Variants in PVT1 observed in about 807,000 individuals in gnomAD.
PVT1 encodes CXCR4/PVT1 fusion.
At chr8:127,831,223 C>T (rs972354957) in intron 2 of PVT1, among the ~76,000 whole-genome samples, 1 of 150,978 alleles carries the variant, frequency 6.6e-6, no homozygotes, top group Non-Finnish European at 1.5e-5. Flanking sequence ...GAGGCTGAGG[C>T]AGGAGGGCCG....
intron 2 of PVT1, among the ~76,000 whole-genome samples, chr8:127,826,494 A>G (rs1189665308): frequency 6.6e-6 from 1 of 152,158 alleles, no homozygotes; most frequent in African/African-American, 2.4e-5. Flanking sequence ...CAGAGTCAGA[A>G]GGGACCCATC....
intron 3 of PVT1, among the ~76,000 whole-genome samples, chr8:127,963,749 G>C (rs1371622856): frequency 6.6e-6 from 1 of 152,182 alleles, no homozygotes; most frequent in Non-Finnish European, 1.5e-5. Context: ...GGAGGAAGCT[G>C]ATCTAGCTGG....
intron 3 of PVT1, among the ~76,000 whole-genome samples, chr8:127,924,104 G>C (rs865927401): frequency 6.6e-6 from 1 of 152,136 alleles, no homozygotes; most frequent in South Asian, 2.1e-4. Context: ...CCTTTCCAGG[G>C]GGATGTGTTT....
chr8:127,959,286 A>G (rs560585923), intron 3 of PVT1, among the ~76,000 whole-genome samples: 10 of 152,310 alleles, frequency 6.6e-5, no homozygotes, highest in Middle Eastern at 3.4e-3. Flanking sequence ...CTCTGGGGAT[A>G]TAAAAGTTAA....
At chr8:127,987,532 G>C (rs1563658454) in intron 3 of PVT1, among the ~76,000 whole-genome samples, 1 of 152,250 alleles carries the variant, frequency 6.6e-6, no homozygotes, top group African/African-American at 2.4e-5. Context: ...CCTAAGTAGT[G>C]CTAATAAAAG....
At position 127,881,454 on chromosome 8, in the gene PVT1, TA is replaced by T. The variant is rs1373876026; in HGVS notation, n.373-9134del. ...GTTATTATATTATTATTATTATTATTATTATTATTATTTCAGATGGAGTTTC... is the reference window on the plus strand; with the variant it reads ...GTTATTATATTATTATTATTATTATTTTATTATTATTTCAGATGGAGTTTC... On this transcript the variant is annotated intron_variant and non_coding_transcript_variant, in intron 2 of 10. Transcript: ENST00000651587. 3.7e-4 allele frequency among the ~76,000 whole-genome samples: 54 copies of T among 147,676 alleles called. No homozygotes were observed. In the South Asian group the frequency reaches 4.9e-3, roughly 13 times the overall value.
chr8:128,050,034 A>G (rs569392744), intron 4 of PVT1, among the ~76,000 whole-genome samples: 2 of 152,218 alleles, frequency 1.3e-5, no homozygotes, highest in South Asian at 4.2e-4. Flanking sequence ...TATAGCCTCC[A>G]TTGGAGACAC....
intron 2 of PVT1, among the ~76,000 whole-genome samples, chr8:127,817,365 A>C (rs1174135482): frequency 8.8e-6 from 1 of 113,594 alleles, no homozygotes; most frequent in Non-Finnish European, 1.8e-5. Flanking sequence ...ATATATATAT[A>C]TCTATTTAAA....
At chr8:127,835,412 C>T (rs1343975692) in intron 2 of PVT1, among the ~76,000 whole-genome samples, 2 of 146,884 alleles carry the variant, frequency 1.4e-5, no homozygotes, top group Non-Finnish European at 3.0e-5. Context: ...CATATGGACA[C>T]AGGGAGGGGA....
chr8:127,819,548 T>C (rs1467153921), intron 2 of PVT1, among the ~76,000 whole-genome samples: 1 of 152,216 alleles, frequency 6.6e-6, no homozygotes, highest in Non-Finnish European at 1.5e-5. Flanking sequence ...TCTCTATGTG[T>C]CCTAACTGGT....
intron 4 of PVT1, chr8:127,989,297 C>T (rs773600019): frequency 6.6e-6 from 1 of 151,974 alleles, no homozygotes; most frequent in Non-Finnish European, 1.5e-5. Flanking sequence ...TTAAGGTAAG[C>T]GACTTTATCT....
intron 2 of PVT1, among the ~76,000 whole-genome samples, chr8:127,839,160 A>G (rs1814944466): frequency 1.3e-5 from 2 of 152,188 alleles, no homozygotes; most frequent in South Asian, 4.1e-4. Flanking sequence ...TCTACCCTTA[A>G]GCAACGTGTG....
rs1027818202 is a variant in PVT1, at chr8:127,824,885, C to T, written n.372+28814C>T. Among the ~76,000 whole-genome samples, 9 of 152,058 alleles carry T rather than the reference C, an allele frequency of 5.9e-5. No homozygotes were observed. The East Asian group carries it at 1.4e-3, about 23-fold the overall frequency. Reference sequence around the variant, plus strand: ...CTGTAATCCCAGCACTTTGGGAGGCCGAGGTGGGTGGAACACTTGAGGTCA... The same window carrying T: ...CTGTAATCCCAGCACTTTGGGAGGCTGAGGTGGGTGGAACACTTGAGGTCA... On this transcript the variant is annotated intron_variant and non_coding_transcript_variant, in intron 2 of 10. Transcript: ENST00000651587.
intron 3 of PVT1, among the ~76,000 whole-genome samples, chr8:127,974,544 A>T (rs1816801477): frequency 6.6e-6 from 1 of 150,646 alleles, no homozygotes. Flanking sequence ...CCACCTGAGT[A>T]GCTGGGACTA....
At chr8:127,890,315 C>T (rs1053238204) in intron 2 of PVT1, among the ~76,000 whole-genome samples, 1 of 152,144 alleles carries the variant, frequency 6.6e-6, no homozygotes, top group East Asian at 1.9e-4. Flanking sequence ...ATAATGGATG[C>T]CCCCCAGCCT....
intron 4 of PVT1, among the ~76,000 whole-genome samples, chr8:128,005,755 T>C (rs1817239080): frequency 6.6e-6 from 1 of 152,122 alleles, no homozygotes; most frequent in Non-Finnish European, 1.5e-5. Context: ...AAGTGGGTAC[T>C]CTCACACACT....
intron 4 of PVT1, among the ~76,000 whole-genome samples, chr8:128,022,996 A>G (rs1270360988): frequency 6.6e-6 from 1 of 150,916 alleles, no homozygotes; most frequent in Non-Finnish European, 1.5e-5. Context: ...CCTCCCATGT[A>G]TCTGGGATTA....
chr8:127,987,509 T>C (rs1816983134), intron 3 of PVT1, among the ~76,000 whole-genome samples: 1 of 152,204 alleles, frequency 6.6e-6, no homozygotes, highest in Non-Finnish European at 1.5e-5. Context: ...AGAAGTTAAG[T>C]CTCTAGCATT....
At chr8:127,985,283 C>T (rs937181614) in intron 3 of PVT1, among the ~76,000 whole-genome samples, 1 of 151,912 alleles carries the variant, frequency 6.6e-6, no homozygotes, top group Non-Finnish European at 1.5e-5. Flanking sequence ...CCTCCCCTCT[C>T]GGCCTCCCAA....
Sources: gnomAD v4.1 joint callset for allele counts (sites outside exome capture counted in the v4.1 genomes callset) on GRCh38, gnomAD v4.1.1 for gene constraint, MANE v1.5 for transcripts, NCBI Gene and HGNC (gene_info 2026-07-23, HGNC 2026-07-21) for gene names.